ANKS1B: variants seen among roughly 807,000 people sequenced by gnomAD.
ANKS1B encodes ankyrin repeat and sterile alpha motif domain-containing protein 1B.
ANKS1B carries 36 observed loss-of-function variants against 148.3 expected under a neutral mutation model. That is an observed-to-expected ratio of 0.24 (90% confidence interval 0.19 to 0.32). The LOEUF (loss-of-function observed/expected upper bound fraction) is 0.32, where lower values mean the gene tolerates loss of function less well. Among genes scored for constraint, ANKS1B ranks in the 10% least tolerant of loss-of-function variants. ANKS1B has a pLI of 1.00. For missense variants in ANKS1B, 1,157 were observed against 1,542.6 expected, an observed-to-expected ratio of 0.75 and a Z score of 4.19; for synonymous variants, 542 against 560.8, an observed-to-expected ratio of 0.97 and a Z score of 0.47.
At chr12:99,596,171 A>C (rs989781141) in intron 9 of ANKS1B, among the ~76,000 whole-genome samples, 8 of 151,902 alleles carry the variant, frequency 5.3e-5, no homozygotes, top group African/African-American at 1.7e-4. Context: ...CTTAAAAAAA[A>C]CAAAAATTTC....
intron 10 of ANKS1B, 43 bp downstream of exon 10, chr12:99,504,433 G>T: frequency 6.3e-7 from 1 of 1,580,006 alleles, no homozygotes; most frequent in Non-Finnish European, 8.6e-7. Flanking sequence ...ATATGAATAA[G>T]CAAGTAAATT....
intron 1 of ANKS1B, among the ~76,000 whole-genome samples, chr12:99,883,232 A>C (rs1267426163): frequency 6.6e-6 from 1 of 152,184 alleles, no homozygotes. Flanking sequence ...TAGGCCTACA[A>C]AAGTATGATC....
intron 9 of ANKS1B, among the ~76,000 whole-genome samples, chr12:99,594,124 G>A (rs2097732402): frequency 6.6e-6 from 1 of 151,964 alleles, no homozygotes; most frequent in African/African-American, 2.4e-5. Context: ...TCATAGGGTT[G>A]TTATAAAGAC....
At chr12:99,473,825 T>G (rs903915010) in intron 10 of ANKS1B, among the ~76,000 whole-genome samples, 3 of 152,098 alleles carry the variant, frequency 2.0e-5, no homozygotes, top group Non-Finnish European at 4.4e-5. Context: ...ATGTGCATTA[T>G]AAACATCTTT....
chr12:99,267,499 T>A (rs1429940474), intron 12 of ANKS1B, among the ~76,000 whole-genome samples: 4 of 152,188 alleles, frequency 2.6e-5, no homozygotes, highest in Non-Finnish European at 4.4e-5. Context: ...AATAGGATAA[T>A]CTGTGAGGCA....
chr12:99,084,227 G>A (rs76907096), intron 16 of ANKS1B, among the ~76,000 whole-genome samples: 2,906 of 152,216 alleles, frequency 0.019, 91 homozygotes, highest in South Asian at 0.066. Context: ...AGGAGATATC[G>A]TCTCTTATGG....
intron 4 of ANKS1B, among the ~76,000 whole-genome samples, chr12:99,805,985 A>G (rs920565251): frequency 2.6e-5 from 4 of 152,204 alleles, no homozygotes; most frequent in African/African-American, 9.7e-5. Flanking sequence ...ATCCCAAAGG[A>G]CAGTTGTGAG....
Position 99,246,529 on chromosome 12 carries a change from T to C in ANKS1B, c.2092A>G (p.Asn698Asp), listed in dbSNP as rs1444320738. The C allele has an allele frequency of 2.5e-6, 4 of 1,612,988 alleles. No individual in the cohort carries two copies. The highest frequency in any genetic ancestry group is 2.2e-5 in the East Asian group (1 of 44,842). Residue 698 changes from asparagine to aspartate, a missense_variant, in exon 13 of 27, where the codon AAT becomes GAT. Physicochemically the swap from Asn to Asp is conservative, Grantham distance 23. Around this residue, in one of 6 missense-constraint regions of ANKS1B, gnomAD observed 661 missense variants for 642.1 expected, o/e 1.03. Coordinates refer to ENST00000683438, the MANE Select transcript of ANKS1B (RefSeq NM_001352186.2). ...GCGTTCATAACCCACTGGTCCCCATTCCGAGATCCACTCCTGGTTGATCTT... is the reference window on the plus strand; with the variant it reads ...GCGTTCATAACCCACTGGTCCCCATCCCGAGATCCACTCCTGGTTGATCTT... ...GTRSTRSGSR[N>D]GDQWVMNAGG...
chr12:99,627,540 CCAAA>C (rs1163738105), intron 9 of ANKS1B, among the ~76,000 whole-genome samples: 1 of 152,122 alleles, frequency 6.6e-6, no homozygotes, highest in African/African-American at 2.4e-5. Flanking sequence ...ACCCAGACTG[CCAAA>C]CAACTCACAT....
At chr12:99,510,931 G>C (rs948905806) in intron 9 of ANKS1B, among the ~76,000 whole-genome samples, 4 of 151,948 alleles carry the variant, frequency 2.6e-5, no homozygotes, top group African/African-American at 9.7e-5. Context: ...GGGCTGAGAT[G>C]ATGGGGCTTT....
intron 12 of ANKS1B, among the ~76,000 whole-genome samples, chr12:99,321,201 G>A (rs1010433442): frequency 6.6e-6 from 1 of 152,162 alleles, no homozygotes; most frequent in African/African-American, 2.4e-5. Flanking sequence ...TTCAAACTCT[G>A]TGCTGGGAGA....
chr12:99,897,065 A>G (rs2093412347), intron 1 of ANKS1B, among the ~76,000 whole-genome samples: 1 of 151,352 alleles, frequency 6.6e-6, no homozygotes, highest in Non-Finnish European at 1.5e-5. Context: ...TAAGAGAACT[A>G]GAGAAATTCT....
chr12:98,939,549 C>T (rs1160866610), intron 17 of ANKS1B, among the ~76,000 whole-genome samples: 2 of 152,114 alleles, frequency 1.3e-5, no homozygotes, highest in Non-Finnish European at 2.9e-5. Flanking sequence ...TCCTTGAAGT[C>T]GGGCAGGCAG....
intron 12 of ANKS1B, among the ~76,000 whole-genome samples, chr12:99,338,918 TCCC>T (rs2152319006): frequency 6.6e-6 from 1 of 152,046 alleles, no homozygotes; most frequent in East Asian, 1.9e-4. Flanking sequence ...AAAGATGAAG[TCCC>T]CTTTACTCTC....
chr12:99,688,445 T>G (rs1040288399), intron 8 of ANKS1B, among the ~76,000 whole-genome samples: 1 of 152,266 alleles, frequency 6.6e-6, no homozygotes, highest in African/African-American at 2.4e-5. Flanking sequence ...TTTTATATAC[T>G]GTGTCCATTT....
chr12:99,831,676 T>C (rs2084014951), intron 1 of ANKS1B, among the ~76,000 whole-genome samples: 2 of 152,070 alleles, frequency 1.3e-5, no homozygotes, highest in South Asian at 4.1e-4. Flanking sequence ...CAGTGTCTTA[T>C]ATGGCTCCAG....
chr12:99,184,832 C>T (rs930619445), intron 14 of ANKS1B, among the ~76,000 whole-genome samples: 9 of 152,134 alleles, frequency 5.9e-5, no homozygotes, highest in Admixed American at 1.3e-4. Flanking sequence ...CCCTGAGCCT[C>T]AGGTTTCGTA....
chr12:98,824,741 C>T (rs2099233737), intron 19 of ANKS1B, among the ~76,000 whole-genome samples: 1 of 152,128 alleles, frequency 6.6e-6, no homozygotes, highest in African/African-American at 2.4e-5. Flanking sequence ...CAGAGTTAAC[C>T]CCACACCTAC....
At chr12:98,873,544 G>A (rs1274289639) in intron 17 of ANKS1B, among the ~76,000 whole-genome samples, 1 of 152,102 alleles carries the variant, frequency 6.6e-6, no homozygotes, top group Non-Finnish European at 1.5e-5. Context: ...GAAAGTAATC[G>A]AGGATAAGAA....
Sources: allele counts gnomAD v4.1 joint callset (sites outside exome capture counted in the v4.1 genomes callset), GRCh38; gene constraint gnomAD v4.1.1; regional missense constraint gnomAD v4.1.1; transcripts MANE v1.5; gene names NCBI Gene and HGNC (gene_info 2026-07-23, HGNC 2026-07-21).